CHMP4B: variants seen among roughly 807,000 people sequenced by gnomAD.
The protein encoded by CHMP4B is charged multivesicular body protein 4B.
CHMP4B carries 1 observed loss-of-function variant against 25.1 expected under a neutral mutation model. The observed-to-expected ratio is 0.04, with a 90% CI of 0.01 to 0.19. CHMP4B has a LOEUF of 0.19. Among genes scored for constraint, CHMP4B ranks in the 10% least tolerant of loss-of-function variants. CHMP4B has a pLI of 1.00. For synonymous variants in CHMP4B, 101 were observed against 115.6 expected, an observed-to-expected ratio of 0.87 and a Z score of 0.81; for missense variants, 151 against 289.7, an observed-to-expected ratio of 0.52 and a Z score of 3.48.
At chr20:33,850,878 C>T in intron 2 of CHMP4B, 74 bp from the exon 3 acceptor site, 1 of 1,074,406 alleles carries the variant, frequency 9.3e-7, no homozygotes, top group Non-Finnish European at 1.4e-6. Context: ...CCAGTTTCTG[C>T]TCCCGCCTTG....
chr20:33,830,083 C>T (rs1340204937), intron 1 of CHMP4B, among the ~76,000 whole-genome samples: 1 of 152,168 alleles, frequency 6.6e-6, no homozygotes, highest in Non-Finnish European at 1.5e-5. Context: ...CCAGGTCTCA[C>T]GTGTGGTGGA....
chr20:33,848,672 A>G (rs766336442), intron 2 of CHMP4B, 28 bp downstream of exon 2: 9 of 1,613,420 alleles, frequency 5.6e-6, no homozygotes, highest in South Asian at 1.1e-5. Context: ...CCTGCGCCAC[A>G]GGGCAGTGCT....
intron 1 of CHMP4B, among the ~76,000 whole-genome samples, chr20:33,832,462 C>T (rs1448542409): frequency 2.0e-5 from 3 of 152,190 alleles, no homozygotes; most frequent in Non-Finnish European, 4.4e-5. Flanking sequence ...CAGTCATAAT[C>T]AGGTTGTTCT....
At chr20:33,847,301 C>T (rs1166484015) in intron 1 of CHMP4B, among the ~76,000 whole-genome samples, 1 of 150,248 alleles carries the variant, frequency 6.7e-6, no homozygotes, top group Non-Finnish European at 1.5e-5. Flanking sequence ...TTTTTTTAAA[C>T]AAAGGGACAG....
At chr20:33,840,519 C>T (rs1979509727) in intron 1 of CHMP4B, among the ~76,000 whole-genome samples, 2 of 152,200 alleles carry the variant, frequency 1.3e-5, no homozygotes, top group Non-Finnish European at 2.9e-5. Flanking sequence ...CTGGCCTGGT[C>T]TACTGATACC....
intron 2 of CHMP4B, among the ~76,000 whole-genome samples, chr20:33,850,689 G>A (rs930571578): frequency 1.6e-4 from 24 of 152,360 alleles, no homozygotes; most frequent in African/African-American, 4.6e-4. Flanking sequence ...TTACTAATTT[G>A]TATGTAGGAC....
intron 1 of CHMP4B, among the ~76,000 whole-genome samples, chr20:33,829,636 A>G (rs1402741867): frequency 6.6e-6 from 1 of 152,228 alleles, no homozygotes; most frequent in African/African-American, 2.4e-5. Flanking sequence ...ATTTTCATGT[A>G]TGAGAAATAA....
At chr20:33,838,284 A>C (rs1335623646) in intron 1 of CHMP4B, among the ~76,000 whole-genome samples, 1 of 152,148 alleles carries the variant, frequency 6.6e-6, no homozygotes, top group South Asian at 2.1e-4. Flanking sequence ...TTTCCTCCGG[A>C]TGTAAGATTA....
intron 1 of CHMP4B, among the ~76,000 whole-genome samples, chr20:33,831,806 C>A (rs1455367601): frequency 6.6e-6 from 1 of 152,186 alleles, no homozygotes; most frequent in Non-Finnish European, 1.5e-5. Context: ...GGATAACAAA[C>A]CCATGAACCA....
At chr20:33,842,960 G>A (rs1194456962) in intron 1 of CHMP4B, among the ~76,000 whole-genome samples, 8 of 152,194 alleles carry the variant, frequency 5.3e-5, no homozygotes, top group South Asian at 2.1e-4. Flanking sequence ...CAGACTTGCC[G>A]TCCTCAGCAG....
chr20:33,851,911 G>A (rs546655258), intron 3 of CHMP4B, among the ~76,000 whole-genome samples, 166 bp from the exon 4 acceptor site: 10 of 152,322 alleles, frequency 6.6e-5, no homozygotes, highest in Admixed American at 1.3e-4. Flanking sequence ...CCCAGTAGAA[G>A]CTGCTTTAGG....
At chr20:33,843,192 G>T (rs548484751) in intron 1 of CHMP4B, among the ~76,000 whole-genome samples, 1 of 152,206 alleles carries the variant, frequency 6.6e-6, no homozygotes, top group Admixed American at 6.5e-5. Context: ...TGAAGCAACT[G>T]TCTGGAGACC....
At position 33,811,438 on chromosome 20, in the gene CHMP4B, G is replaced by A. The variant is rs1449880630; in HGVS notation, c.-31G>A. The A allele has an allele frequency of 6.8e-7, 1 of 1,471,582 alleles. No individual in the cohort carries two copies. The highest frequency in any genetic ancestry group is 9.0e-7 in the Non-Finnish European group (1 of 1,110,914). 91.2% of individuals were successfully genotyped at this position (1,471,582 alleles called of 1,614,324 possible). ...GCCGAGCCGAGCCGAGCCGGAGCGGGCGGCGAAGGCCGGCGCGGCGAGCAG... is the reference window on the plus strand; with the variant it reads ...GCCGAGCCGAGCCGAGCCGGAGCGGACGGCGAAGGCCGGCGCGGCGAGCAG... On this transcript the variant is annotated 5_prime_UTR_variant, in exon 1 of 5. Coordinates refer to ENST00000217402, the MANE Select transcript of CHMP4B (RefSeq NM_176812.5).
intron 1 of CHMP4B, among the ~76,000 whole-genome samples, chr20:33,837,494 G>A (rs990013971): frequency 5.9e-5 from 9 of 152,120 alleles, no homozygotes; most frequent in Non-Finnish European, 1.3e-4. Flanking sequence ...GCCAGGCTAG[G>A]GGATCCCTCA....
intron 4 of CHMP4B, 140 bp from the exon 5 acceptor site, chr20:33,853,356 C>T: frequency 3.9e-6 from 3 of 775,874 alleles, no homozygotes; most frequent in Non-Finnish European, 6.8e-6. Flanking sequence ...AAGGAGCAGT[C>T]TCCCTACAGC....
At chr20:33,845,574 C>T (rs1286104996) in intron 1 of CHMP4B, among the ~76,000 whole-genome samples, 13 of 152,088 alleles carry the variant, frequency 8.5e-5, no homozygotes, top group Admixed American at 3.3e-4. Flanking sequence ...CCACCCACCT[C>T]GGCCTCCCAA....
At chr20:33,828,405 ATAAAGT>A (rs1202898533) in intron 1 of CHMP4B, among the ~76,000 whole-genome samples, 7 of 152,234 alleles carry the variant, frequency 4.6e-5, no homozygotes, top group East Asian at 1.9e-4. Flanking sequence ...AGTTTTGAAA[ATAAAGT>A]TAAAGTGCCA....
intron 1 of CHMP4B, among the ~76,000 whole-genome samples, chr20:33,841,414 AAT>A (rs1979536825): frequency 6.6e-6 from 1 of 152,206 alleles, no homozygotes; most frequent in Non-Finnish European, 1.5e-5. Flanking sequence ...TGTGGGAATA[AAT>A]ACAGCAATGT....
intron 1 of CHMP4B, among the ~76,000 whole-genome samples, chr20:33,817,589 C>T (rs1601315609): frequency 6.6e-6 from 1 of 152,298 alleles, no homozygotes; most frequent in South Asian, 2.1e-4. Context: ...GGCGTAAAGC[C>T]AGGACCTAAT....
Sources: allele counts gnomAD v4.1 joint callset (sites outside exome capture counted in the v4.1 genomes callset), GRCh38; gene constraint gnomAD v4.1.1; transcripts MANE v1.5; gene names NCBI Gene and HGNC (gene_info 2026-07-23, HGNC 2026-07-21).